Variants in DAB1 observed in about 807,000 individuals in gnomAD.
DAB1 encodes disabled homolog 1.
DAB1 carries 15 observed loss-of-function variants against 64.6 expected under a neutral mutation model. The observed-to-expected ratio is 0.23, with a 90% CI of 0.16 to 0.36. The LOEUF is 0.36. Ranked by LOEUF, DAB1 falls within the 10% of genes least tolerant of loss-of-function variation. The pLI is 1.00. For synonymous variants in DAB1, 235 were observed against 251.9 expected (o/e 0.93, Z 0.64); for missense variants, 596 against 706.7 (o/e 0.84, Z 1.78).
Position 58,293,283 on chromosome 1 carries a change from G to A in DAB1, n.309+50069C>T, listed in dbSNP as rs559909598. On this transcript the variant is annotated intron_variant and non_coding_transcript_variant, in intron 4 of 20. Coordinates refer to the DAB1 transcript ENST00000485760. ...AGAGTAGCCTAGAAGGCCTAAGTCC[G>A]AAACCTTCTTCATCTTTGACATCAG... is the stretch of plus-strand genomic sequence containing the variant. Among the ~76,000 whole-genome samples the A allele has an allele frequency of 1.3e-3, 196 of 152,298 alleles. 2 individuals are homozygous for A. Among genetic ancestry groups the A allele is most frequent in the Non-Finnish European group, 9.1e-4 (62 of 68,022 alleles).
chr1:57,119,152 A>C (rs756138905), intron 4 of DAB1, among the ~76,000 whole-genome samples: 1 of 152,196 alleles, frequency 6.6e-6, no homozygotes, highest in African/African-American at 2.4e-5. Context: ...AACTATTTAC[A>C]TACAGGGCAG....
At chr1:58,150,726 A>G (rs1005053044) in intron 4 of DAB1, 3 of 152,062 alleles carry the variant, frequency 2.0e-5, no homozygotes, top group Admixed American at 6.5e-5. Context: ...TCTAGGGTAC[A>G]TGTGCACAAT....
At position 57,994,659 on chromosome 1, in the gene DAB1, A is replaced by G. The variant is rs550602650; in HGVS notation, n.388-110497T>C. 6.0e-4 allele frequency among the ~76,000 whole-genome samples: 91 copies of G among 152,298 alleles called. No individual in the cohort carries two copies. The Middle Eastern group carries it at 0.01, about 17-fold the overall frequency. On this transcript the variant is annotated intron_variant and non_coding_transcript_variant, in intron 5 of 20. Coordinates refer to the DAB1 transcript ENST00000485760. ...TTATGTTGGGCATTATTCGGATGGA[A>G]TAGACAGGCACATTCAGAGGGCTTC... is the stretch of plus-strand genomic sequence containing the variant.
rs145988565 is a variant in DAB1, at chr1:57,554,434, T to A, written n.625+95158A>T. Among the ~76,000 whole-genome samples the A allele has an allele frequency of 6.5e-3, 996 of 152,374 alleles. 13 individuals are homozygous for A. The highest frequency in any genetic ancestry group is 0.023 in the African/African-American group (955 of 41,588). On this transcript the variant is annotated intron_variant and non_coding_transcript_variant, in intron 7 of 20. Coordinates refer to the DAB1 transcript ENST00000485760. ...GAAAGCAGGTATGCAAAGCATTTAG[T>A]ACAGTCCTGGCATATAGTAAATGCT...
At chr1:58,300,019 T>A in intron 4 of DAB1, among the ~76,000 whole-genome samples, 1 of 152,246 alleles carries the variant, frequency 6.6e-6, no homozygotes, top group East Asian at 1.9e-4. Context: ...CTTAGCTCCA[T>A]GGAGTTGCTA....
At chr1:58,482,178 G>A (rs533055471) in intron 3 of DAB1, among the ~76,000 whole-genome samples, 25 of 152,320 alleles carry the variant, frequency 1.6e-4, no homozygotes, top group Non-Finnish European at 5.9e-5. Context: ...AGCTGCATGT[G>A]TGTGCACATG....
chr1:58,488,244 T>C (rs2100365742), intron 3 of DAB1, among the ~76,000 whole-genome samples: 1 of 152,350 alleles, frequency 6.6e-6, no homozygotes, highest in South Asian at 2.1e-4. Context: ...AATTTTCATG[T>C]GGTTATCCAT....
At chr1:57,664,053 T>C (rs1464589890) in intron 6 of DAB1, among the ~76,000 whole-genome samples, 1 of 152,200 alleles carries the variant, frequency 6.6e-6, no homozygotes, top group African/African-American at 2.4e-5. Flanking sequence ...CTGTGTGACC[T>C]AGGACAAACC....
chr1:57,308,858 CCA>C (rs1048856728), intron 1 of DAB1, among the ~76,000 whole-genome samples: 1 of 152,030 alleles, frequency 6.6e-6, no homozygotes, highest in Admixed American at 6.6e-5. Flanking sequence ...ATGGCTGTAA[CCA>C]AGCTAAGATC....
chr1:57,217,051 C>T (rs1201714782), intron 2 of DAB1, among the ~76,000 whole-genome samples: 2 of 152,210 alleles, frequency 1.3e-5, no homozygotes, highest in Non-Finnish European at 2.9e-5. Context: ...CAGGGTCTTA[C>T]CTCCTGGGTG....
At chr1:57,498,911 G>T (rs772468027) in intron 7 of DAB1, among the ~76,000 whole-genome samples, 1 of 152,150 alleles carries the variant, frequency 6.6e-6, no homozygotes, top group Non-Finnish European at 1.5e-5. Flanking sequence ...AAGGAACTAG[G>T]CTCACTCTCC....
chr1:57,989,884 T>C (rs1487925271), intron 5 of DAB1, among the ~76,000 whole-genome samples: 1 of 152,224 alleles, frequency 6.6e-6, no homozygotes, highest in Non-Finnish European at 1.5e-5. Context: ...CATTAATTTC[T>C]GAGACTTTGC....
chr1:57,059,300 G>T (rs1650145411), intron 9 of DAB1, among the ~76,000 whole-genome samples: 1 of 152,082 alleles, frequency 6.6e-6, no homozygotes, highest in Non-Finnish European at 1.5e-5. Context: ...AGTGGCTGTG[G>T]TAAGAACTAC....
intron 7 of DAB1, among the ~76,000 whole-genome samples, chr1:57,612,524 G>A (rs910264165): frequency 5.9e-5 from 9 of 152,066 alleles, no homozygotes; most frequent in Admixed American, 2.0e-4. Context: ...GAGAAAAGAT[G>A]CTATGCTGCT....
At chr1:58,290,977 A>G (rs945079500) in intron 4 of DAB1, among the ~76,000 whole-genome samples, 13 of 152,282 alleles carry the variant, frequency 8.5e-5, no homozygotes, top group African/African-American at 3.1e-4. Flanking sequence ...ACAAAGACAG[A>G]AGGGCATAAA....
At chr1:57,915,021 C>G (rs1440556269) in intron 5 of DAB1, among the ~76,000 whole-genome samples, 3 of 151,310 alleles carry the variant, frequency 2.0e-5, no homozygotes, top group Non-Finnish European at 4.4e-5. Flanking sequence ...AAAAATAAAA[C>G]CAATCAACCA....
At chr1:57,415,278 CACAT>C (rs1292038769) in intron 1 of DAB1, among the ~76,000 whole-genome samples, 43 of 143,920 alleles carry the variant, frequency 3.0e-4, no homozygotes, top group Middle Eastern at 3.5e-3. Flanking sequence ...CACACACACA[CACAT>C]ATATGCACAC....
At chr1:57,850,872 T>A (rs910276569) in intron 1 of DAB1, among the ~76,000 whole-genome samples, 2 of 152,196 alleles carry the variant, frequency 1.3e-5, no homozygotes, top group Non-Finnish European at 2.9e-5. Flanking sequence ...ATCTTTCCCC[T>A]TTAATAATGC....
chr1:57,964,050 A>T (rs1645592416), intron 5 of DAB1, among the ~76,000 whole-genome samples: 2 of 152,216 alleles, frequency 1.3e-5, no homozygotes, highest in Non-Finnish European at 2.9e-5. Context: ...GAGAAAAACA[A>T]GCTGTTTGGG....
Sources: allele counts gnomAD v4.1 joint callset (sites outside exome capture counted in the v4.1 genomes callset), GRCh38; gene constraint gnomAD v4.1.1; transcripts MANE v1.5; gene names NCBI Gene and HGNC (gene_info 2026-07-23, HGNC 2026-07-21).